Variants in DLC1 observed in about 807,000 individuals in gnomAD.
DLC1 encodes the protein DLC1 Rho GTPase activating protein.
In DLC1, 54 loss-of-function variants were observed where a neutral mutation model predicts 140.3. That is an observed-to-expected ratio of 0.38 (90% confidence interval 0.31 to 0.48). DLC1 has a LOEUF of 0.48. Among genes scored for constraint, DLC1 ranks in the 20% least tolerant of loss-of-function variants. DLC1 has a pLI of 0.96. For missense variants in DLC1, 2,536 were observed against 1,907.0 expected, an observed-to-expected ratio of 1.33 and a Z score of -6.14; for synonymous variants, 986 against 728.1, an observed-to-expected ratio of 1.35 and a Z score of -5.70.
chr8:13,487,856 C>T (rs12550209), intron 2 of DLC1, among the ~76,000 whole-genome samples: 63,438 of 152,088 alleles, frequency 0.42, 13,868 homozygotes, highest in Non-Finnish European at 0.49. Flanking sequence ...CAGGCGTGAG[C>T]CACTGCACCA....
intron 2 of DLC1, among the ~76,000 whole-genome samples, chr8:13,486,412 A>G (rs1202962832): frequency 3.3e-5 from 5 of 152,198 alleles, no homozygotes; most frequent in African/African-American, 1.2e-4. Context: ...TCATCATTTA[A>G]GAAAACCCTT....
At chr8:13,319,757 A>G (rs1160402957) in intron 4 of DLC1, among the ~76,000 whole-genome samples, 3 of 149,000 alleles carry the variant, frequency 2.0e-5, no homozygotes, top group Non-Finnish European at 4.5e-5. Context: ...ACAGTGCAAG[A>G]GCGGATTAAT....
chr8:13,342,630 G>A lies in DLC1; in HGVS notation c.1315-37328C>T, dbSNP rs1034854204. 2.0e-5 allele frequency: 3 copies of A among 152,150 alleles called. No individual in the cohort carries two copies. In the East Asian group the frequency reaches 5.8e-4, roughly 29 times the overall value. The allele number at this position is 152,150 out of a possible 1,614,324, so 9.4% of individuals were successfully genotyped here. The stretch of plus-strand genomic sequence containing the variant: ...TAGAAATCCTGCTTGGAAATTCAAG[G>A]AATTGGGACTAAAGACTGCAAGATC... On this transcript the variant is annotated intron_variant, in intron 4 of 17. Transcript: ENST00000276297.
intron 1 of DLC1, among the ~76,000 whole-genome samples, chr8:13,590,011 A>G (rs1414967360): frequency 2.6e-5 from 4 of 151,390 alleles, no homozygotes; most frequent in Non-Finnish European, 4.4e-5. Context: ...AACATGCATT[A>G]TTTTAAAATG....
intron 2 of DLC1, among the ~76,000 whole-genome samples, chr8:13,443,021 G>T (rs1357476475): frequency 6.6e-6 from 1 of 152,100 alleles, no homozygotes; most frequent in African/African-American, 2.4e-5. Context: ...ATACTATGCA[G>T]CCATAAAAAA....
intron 3 of DLC1, among the ~76,000 whole-genome samples, chr8:13,400,861 G>C (rs962974274): frequency 2.0e-5 from 3 of 152,056 alleles, no homozygotes; most frequent in Non-Finnish European, 4.4e-5. Context: ...CCTAGAATCT[G>C]TCTTCCAAAT....
At chr8:13,350,000 G>C (rs552257013) in intron 4 of DLC1, among the ~76,000 whole-genome samples, 1 of 152,086 alleles carries the variant, frequency 6.6e-6, no homozygotes, top group Non-Finnish European at 1.5e-5. Flanking sequence ...AGACATATTG[G>C]GAATTAAGTC....
At chr8:13,222,634 T>A (rs1044647937) in intron 5 of DLC1, among the ~76,000 whole-genome samples, 1 of 152,226 alleles carries the variant, frequency 6.6e-6, no homozygotes, top group East Asian at 1.9e-4. Context: ...CTATAGCTTC[T>A]GCTGCTTATT....
chr8:13,337,924 C>G lies in DLC1; in HGVS notation c.1315-32622G>C, dbSNP rs754467649. On this transcript the variant is annotated intron_variant, in intron 4 of 17. Coordinates refer to ENST00000276297, the MANE Select transcript of DLC1 (RefSeq NM_182643.3). The stretch of plus-strand genomic sequence containing the variant: ...AATCCCCATATAGGAATTGTATATG[C>G]AATTTATTACACTTCATTCATTTAT... 4.6e-5 allele frequency among the ~76,000 whole-genome samples: 7 copies of G among 152,224 alleles called. No individual in the cohort carries two copies. In the South Asian group the frequency reaches 1.5e-3, roughly 32 times the overall value.
chr8:13,307,276 A>G (rs780321379), intron 4 of DLC1, among the ~76,000 whole-genome samples: 4 of 152,124 alleles, frequency 2.6e-5, no homozygotes. Context: ...TTGGGGGATC[A>G]GGCCCAGAGA....
chr8:13,332,434 C>T (rs74524423), intron 4 of DLC1, among the ~76,000 whole-genome samples: 3 of 148,158 alleles, frequency 2.0e-5, no homozygotes, highest in Admixed American at 6.7e-5. Flanking sequence ...TTTCTTTTGT[C>T]TTTTTTTTTT....
rs1391998060 is a variant in DLC1, at chr8:13,500,088, AACAG to A, written c.-21_-18del. On this transcript the variant is annotated 5_prime_UTR_variant, in exon 2 of 18. It removes the in-frame stop codon of an upstream open reading frame in the 5' UTR. Coordinates refer to ENST00000276297, the MANE Select transcript of DLC1 (RefSeq NM_182643.3). Reference sequence around the variant, plus strand: ...TACAGACATGTCATCGTAGTTTAACAACAGACAGAGAGATATATTCCATATGAGG... The same window carrying A: ...TACAGACATGTCATCGTAGTTTAACAACAGAGAGATATATTCCATATGAGG... 12 of 1,599,566 alleles carry A rather than the reference AACAG, an allele frequency of 7.5e-6. No individual in the cohort carries two copies. The Admixed American group carries it at 1.5e-4, about 20-fold the overall frequency.
intron 4 of DLC1, among the ~76,000 whole-genome samples, chr8:13,324,570 C>T (rs1197267237): frequency 1.1e-3 from 6 of 5,588 alleles, no homozygotes; most frequent in African/African-American, 1.6e-3. Flanking sequence ...TAGACTCCGT[C>T]TCAAAAAAAA....
chr8:13,358,760 C>A (rs2117064442), intron 4 of DLC1, among the ~76,000 whole-genome samples: 1 of 152,090 alleles, frequency 6.6e-6, no homozygotes, highest in East Asian at 1.9e-4. Flanking sequence ...TGTCCTGTTA[C>A]TTGAACCCAA....
intron 4 of DLC1, among the ~76,000 whole-genome samples, chr8:13,354,719 T>G (rs1208937134): frequency 1.3e-5 from 2 of 149,482 alleles, no homozygotes; most frequent in Non-Finnish European, 3.0e-5. Context: ...CCGAAGTGGG[T>G]GGATTGCTTG....
chr8:13,530,840 A>C (rs1803072462), intron 1 of DLC1, among the ~76,000 whole-genome samples: 1 of 152,214 alleles, frequency 6.6e-6, no homozygotes, highest in Admixed American at 6.5e-5. Flanking sequence ...AATACAGCTT[A>C]CGTGGTTAAA....
intron 16 of DLC1, among the ~76,000 whole-genome samples, chr8:13,087,821 A>G (rs573924754): frequency 2.6e-5 from 4 of 152,322 alleles, no homozygotes; most frequent in African/African-American, 9.6e-5. Flanking sequence ...TTACACATAC[A>G]TCAGCCTTAA....
intron 1 of DLC1, among the ~76,000 whole-genome samples, chr8:13,533,511 T>G (rs75516666): frequency 0.019 from 2,905 of 152,288 alleles, 94 homozygotes; most frequent in African/African-American, 0.066. Flanking sequence ...TTCATTTACA[T>G]TAACTTTTGA....
intron 5 of DLC1, among the ~76,000 whole-genome samples, chr8:13,273,686 C>CTG (rs59265902): frequency 0.024 from 1,486 of 62,508 alleles, 41 homozygotes; most frequent in African/African-American, 0.059. Flanking sequence ...AGAACTGTGC[C>CTG]TGTGTGTGTG....
Sources: allele counts gnomAD v4.1 joint callset (sites outside exome capture counted in the v4.1 genomes callset), GRCh38; gene constraint gnomAD v4.1.1; transcripts MANE v1.5; gene names NCBI Gene and HGNC (gene_info 2026-07-23, HGNC 2026-07-21).